TF: variants seen among roughly 807,000 people sequenced by gnomAD.
TF encodes transferrin.
Under a neutral mutation model 82.4 loss-of-function variants are expected in TF, and 55 were observed. The observed-to-expected ratio is 0.67, with a 90% CI of 0.54 to 0.84. The LOEUF is 0.84. Among genes scored for constraint, TF ranks in the 40% least tolerant of loss-of-function variants. TF has a pLI of 0.00. For synonymous variants in TF, 332 were observed against 332.6 expected (o/e 1.00, Z 0.02); for missense variants, 737 against 868.4 (o/e 0.85, Z 1.90).
At chr3:133,747,138 C>T (rs1466718251) in intron 1 of TF, 1 of 154,464 alleles carries the variant, frequency 6.5e-6, no homozygotes, top group Non-Finnish European at 1.4e-5. Flanking sequence ...CATACTCTAA[C>T]TTCTGCCTGC....
rs574624687 is a variant in TF, at chr3:133,767,678, T to A, written c.1487-351T>A. 2.0e-5 allele frequency among the ~76,000 whole-genome samples: 3 copies of A among 152,348 alleles called. No homozygotes were observed. The East Asian group carries it at 5.8e-4, about 29-fold the overall frequency. On this transcript the variant is annotated intron_variant, in intron 12 of 16. Coordinates refer to ENST00000402696, the MANE Select transcript of TF (RefSeq NM_001063.4). The stretch of plus-strand genomic sequence containing the variant: ...ATGAATGGCAGGGAATGGGGACATC[T>A]GAAAACAGGTGGCACAAGCTCAGGA...
Position 133,748,402 on chromosome 3 carries a change from T to C in TF, c.44-10T>C. 6.2e-7 allele frequency: 1 copy of C among 1,613,978 alleles called. No homozygotes were observed. Among genetic ancestry groups the C allele is most frequent in the Non-Finnish European group, 8.5e-7 (1 of 1,179,998 alleles). On this transcript the variant is annotated splice_polypyrimidine_tract_variant and intron_variant, in intron 1 of 16. Coordinates refer to ENST00000402696, the MANE Select transcript of TF (RefSeq NM_001063.4). ...AGTGGGCCCTTCCACCTCTGGCCTC[T>C]CTCCCCCAGGGCTGTGTCTGGCTGT...
the TF span, among the ~76,000 whole-genome samples, chr3:133,716,512 G>A: frequency 6.6e-5 from 10 of 152,044 alleles, no homozygotes; most frequent in Non-Finnish European, 1.2e-4. Context: ...TATATTGGTT[G>A]TACCTTCTCA....
At chr3:133,669,083 C>A in the TF span, among the ~76,000 whole-genome samples, 1 of 152,192 alleles carries the variant, frequency 6.6e-6, no homozygotes, top group African/African-American at 2.4e-5. Flanking sequence ...TCACTGCAAC[C>A]TCCGCCTCCC....
chr3:133,775,770 C>A (rs1445978259), intron 15 of TF, among the ~76,000 whole-genome samples, 153 bp downstream of exon 15: 1 of 152,212 alleles, frequency 6.6e-6, no homozygotes, highest in African/African-American at 2.4e-5. Context: ...GCATTGTGGA[C>A]TAGAGTATCA....
the TF span, among the ~76,000 whole-genome samples, chr3:133,714,752 G>A: frequency 1.1e-4 from 16 of 152,014 alleles, no homozygotes; most frequent in Admixed American, 4.6e-4. Context: ...GTGCGATCTC[G>A]GCTCAATGAA....
the TF span, among the ~76,000 whole-genome samples, chr3:133,721,806 T>G: frequency 2.0e-5 from 3 of 152,182 alleles, no homozygotes; most frequent in South Asian, 6.2e-4. Flanking sequence ...TATATCTTCT[T>G]GTTGAATTGA....
the TF span, among the ~76,000 whole-genome samples, chr3:133,663,733 C>T: frequency 3.3e-5 from 5 of 152,152 alleles, no homozygotes; most frequent in African/African-American, 4.8e-5. Context: ...CTCCTGGGCA[C>T]GTGCTGTCTG....
chr3:133,731,589 G>A, the TF span, among the ~76,000 whole-genome samples: 10,299 of 152,304 alleles, frequency 0.068, 505 homozygotes, highest in East Asian at 0.26. Flanking sequence ...AGTTCACTGA[G>A]TGTGTATTTG....
intron 4 of TF, among the ~76,000 whole-genome samples, chr3:133,755,087 AAGC>A (rs1199358502): frequency 1.3e-5 from 2 of 152,234 alleles, no homozygotes; most frequent in Non-Finnish European, 2.9e-5. Flanking sequence ...GCCTCTGACA[AAGC>A]AGGGAGAAGG....
chr3:133,746,553 C>G (rs1559866077), intron 1 of TF, 70 bp downstream of exon 1: 2 of 1,519,014 alleles, frequency 1.3e-6, no homozygotes, highest in Non-Finnish European at 1.8e-6. Context: ...GGGCGGCCAC[C>G]GCGCAGCCTG....
At chr3:133,754,924 CG>C (rs1415888727) in intron 4 of TF, among the ~76,000 whole-genome samples, 7 of 152,184 alleles carry the variant, frequency 4.6e-5, no homozygotes, top group Non-Finnish European at 8.8e-5. Context: ...GCGCAAGGCT[CG>C]GCAGAGGGTT....
At chr3:133,671,493 G>C in the TF span, among the ~76,000 whole-genome samples, 1 of 151,710 alleles carries the variant, frequency 6.6e-6, no homozygotes, top group Non-Finnish European at 1.5e-5. Context: ...GAAAAAAAAA[G>C]GCAAGAGAGG....
the TF span, among the ~76,000 whole-genome samples, chr3:133,694,850 TTTTATTTATTTATTTA>T: frequency 1.2e-4 from 18 of 147,032 alleles, no homozygotes; most frequent in East Asian, 4.0e-4. Context: ...AAGCCTTTAG[TTTTATTTATTTATTTA>T]TTTATTTATT....
At chr3:133,739,629 A>C in the TF span, among the ~76,000 whole-genome samples, 1 of 152,114 alleles carries the variant, frequency 6.6e-6, no homozygotes, top group Non-Finnish European at 1.5e-5. Context: ...GAAAAAAAAA[A>C]CCCTATCAAA....
chr3:133,666,931 G>A, the TF span, among the ~76,000 whole-genome samples: 2 of 152,134 alleles, frequency 1.3e-5, no homozygotes, highest in Admixed American at 6.5e-5. Flanking sequence ...AGCTACTCGG[G>A]AGGCTGAGGC....
the TF span, among the ~76,000 whole-genome samples, chr3:133,666,687 C>T: frequency 6.6e-6 from 1 of 152,024 alleles, no homozygotes; most frequent in South Asian, 2.1e-4. Flanking sequence ...ATTAGATAAG[C>T]AAAAGACAAG....
intron 14 of TF, chr3:133,775,066 A>G: frequency 2.9e-6 from 1 of 346,352 alleles, no homozygotes; most frequent in South Asian, 2.5e-5. Flanking sequence ...CAGCACAGAA[A>G]TTGATCAACC....
At chr3:133,704,000 A>G in the TF span, among the ~76,000 whole-genome samples, 8 of 152,204 alleles carry the variant, frequency 5.3e-5, no homozygotes, top group Admixed American at 5.2e-4. Flanking sequence ...CAGAGGACAC[A>G]GAGATGTCCA....
Sources: allele counts gnomAD v4.1 joint callset (sites outside exome capture counted in the v4.1 genomes callset), GRCh38; gene constraint gnomAD v4.1.1; transcripts MANE v1.5; gene names NCBI Gene and HGNC (gene_info 2026-07-23, HGNC 2026-07-21).